Variants in PCDHGA7 observed in about 807,000 individuals in gnomAD.
PCDHGA7 encodes the protein protocadherin gamma subfamily A, 7, also known as protocadherin gamma-A7.
In PCDHGA7, 44 loss-of-function variants were observed where a neutral mutation model predicts 58.3. That is an observed-to-expected ratio of 0.75 (90% CI 0.59 to 0.97). PCDHGA7 has a LOEUF of 0.97. Among genes scored for constraint, PCDHGA7 ranks in the 50% least tolerant of loss-of-function variants. The pLI, the probability that PCDHGA7 is intolerant of heterozygous loss-of-function variation, is 0.00. For missense variants in PCDHGA7, 1,266 were observed against 1,188.7 expected, an observed-to-expected ratio of 1.06 and a Z score of -0.96; for synonymous variants, 516 against 504.2, an observed-to-expected ratio of 1.02 and a Z score of -0.31.
chr5:141,487,751 G>A lies in PCDHGA7; in HGVS notation c.2425-7056G>A. ...CACCATTTTTGTAAGAGGTAACTAT[G>A]TGGTAGACGCTGTGCTTTGTAACTG... On this transcript the variant is annotated intron_variant, in intron 1 of 3. Coordinates refer to ENST00000518325, the MANE Select transcript of PCDHGA7 (RefSeq NM_018920.4). This position sits in a 1 kb window ranked among gnomAD's most constrained non-coding sequence, Gnocchi z 5.0. 1 of 1,555,004 alleles carries A rather than the reference G, an allele frequency of 6.4e-7. No homozygotes were observed.
chr5:141,409,906 T>G (rs779572711), intron 1 of PCDHGA7: 2 of 1,613,096 alleles, frequency 1.2e-6, no homozygotes, highest in African/African-American at 2.7e-5. Flanking sequence ...CAGCTCTGGG[T>G]CCTGACGGCT....
intron 1 of PCDHGA7, chr5:141,404,714 G>T (rs776337117): frequency 6.2e-7 from 1 of 1,614,068 alleles, no homozygotes; most frequent in Non-Finnish European, 8.5e-7. Context: ...TGGCTACCTG[G>T]TGACCAAGGT....
chr5:141,385,150 C>A lies in PCDHGA7; in HGVS notation c.2251C>A (p.Gln751Lys), dbSNP rs1780929292. The A allele has an allele frequency of 6.2e-7, 1 of 1,614,104 alleles. No homozygotes were observed. The highest frequency in any genetic ancestry group is 1.1e-5 in the South Asian group (1 of 91,092). The stretch of plus-strand genomic sequence containing the variant: ...CATGGACGGGGTGCAGGCTTTCCTG[C>A]AGACCTATTCCCATGAGGTCTCCCT... Reference protein sequence around the residue: ...VGMDGVQAFLQTYSHEVSLTA... With the variant: ...VGMDGVQAFLKTYSHEVSLTA... Residue 751 changes from glutamine (Q) to lysine (K), a missense_variant, in exon 1 of 4, where the codon CAG (glutamine) becomes AAG (lysine). Coordinates refer to ENST00000518325, the MANE Select transcript of PCDHGA7 (RefSeq NM_018920.4).
chr5:141,387,924 CTGCCAG>C (rs145222727), intron 1 of PCDHGA7: 128,031 of 1,478,756 alleles, frequency 0.087, 6,358 homozygotes, highest in Non-Finnish European at 0.099. Context: ...GGCTGAGAGG[CTGCCAG>C]TGCTCTTTCT....
In PCDHGA7 at chr5:141,485,804, G is replaced by C; in HGVS notation, c.2425-9003G>C. 6.2e-7 allele frequency: 1 copy of C among 1,614,218 alleles called. No homozygotes were observed. The highest frequency in any genetic ancestry group is 1.3e-5 in the African/African-American group (1 of 75,060). The stretch of plus-strand genomic sequence containing the variant: ...AGAGAAGCAATCGGACTACCGCCTG[G>C]TGCTGACTGCTGTCGATGGAGGGAA... On this transcript the variant is annotated intron_variant, in intron 1 of 3. Coordinates refer to ENST00000518325, the MANE Select transcript of PCDHGA7 (RefSeq NM_018920.4). This position sits in a 1 kb window ranked among gnomAD's most constrained non-coding sequence, Gnocchi z 5.7.
chr5:141,486,644 T>G lies in PCDHGA7; in HGVS notation c.2425-8163T>G, dbSNP rs765487821. ...AGACTCTGGCTTGAATGCGCTTATC[T>G]CCTACTCACTCCTGGAGCCCAGGAA... On this transcript the variant is annotated intron_variant, in intron 1 of 3. Transcript: ENST00000518325. This position sits in a 1 kb window ranked among gnomAD's most constrained non-coding sequence, Gnocchi z 5.0. 9.3e-6 allele frequency: 15 copies of G among 1,613,722 alleles called. 2 individuals carry two copies. The Middle Eastern group carries it at 6.6e-4, about 71-fold the overall frequency.
At chr5:141,503,004 C>T (rs114294610) in intron 2 of PCDHGA7, among the ~76,000 whole-genome samples, 5,013 of 145,894 alleles carry the variant, frequency 0.034, 127 homozygotes, top group South Asian at 0.076. Context: ...CCACCATGCC[C>T]GGTTAATTTT....
intron 1 of PCDHGA7, chr5:141,388,466 G>A (rs1426666369): frequency 6.2e-7 from 1 of 1,613,812 alleles, no homozygotes. Flanking sequence ...ACCCTGAGAT[G>A]GTATTGAAGA....
At chr5:141,425,321 G>A (rs1020940689) in intron 1 of PCDHGA7, among the ~76,000 whole-genome samples, 2 of 152,182 alleles carry the variant, frequency 1.3e-5, no homozygotes, top group South Asian at 2.1e-4. Flanking sequence ...CAAGATCGTG[G>A]AGAACAAAAA....
chr5:141,487,475 C>T lies in PCDHGA7; in HGVS notation c.2425-7332C>T, dbSNP rs781308835. On this transcript the variant is annotated intron_variant, in intron 1 of 3. Coordinates refer to ENST00000518325, the MANE Select transcript of PCDHGA7 (RefSeq NM_018920.4). The surrounding 1 kb of genome is among the most constrained non-coding windows in gnomAD (Gnocchi z 5.0). ...TATCAAGTTTGTTGATGTGGGAGGC[C>T]ACTCTCATGGCTGTACACCCTTGGC... 1.2e-6 allele frequency: 2 copies of T among 1,614,156 alleles called. No homozygotes were observed. Among genetic ancestry groups the T allele is most frequent in the South Asian group, 1.1e-5 (1 of 91,080 alleles).
In PCDHGA7 at chr5:141,497,558, TA is replaced by T. The variant is rs543126612; in HGVS notation, c.2483+2694del. 6.7e-3 allele frequency among the ~76,000 whole-genome samples: 979 copies of T among 145,038 alleles called. 16 individuals carry two copies. Among genetic ancestry groups the T allele is most frequent in the African/African-American group, 0.024 (931 of 38,872 alleles). On this transcript the variant is annotated intron_variant, in intron 2 of 3. Coordinates refer to ENST00000518325, the MANE Select transcript of PCDHGA7 (RefSeq NM_018920.4). The stretch of plus-strand genomic sequence containing the variant: ...AACAAACCTTTTTTTTTTTTTTTTT[TA>T]GACAGAGTCTTGCTCTGTTGCCCAA...
chr5:141,414,139 G>A (rs1245110230), intron 1 of PCDHGA7: 6 of 1,596,386 alleles, frequency 3.8e-6, no homozygotes, highest in African/African-American at 1.3e-5. Context: ...CTATGAAATA[G>A]AAATACAAGC....
chr5:141,472,673 C>T (rs2099292538), intron 1 of PCDHGA7, among the ~76,000 whole-genome samples: 3 of 151,340 alleles, frequency 2.0e-5, no homozygotes, highest in Admixed American at 2.0e-4. Context: ...GTATACTGGT[C>T]CTTCCATTTC....
At position 141,477,862 on chromosome 5, in the gene PCDHGA7, A is replaced by AGGT. The variant is rs753168325; in HGVS notation, c.2425-16944_2425-16942dup. 2.1e-5 allele frequency: 34 copies of AGGT among 1,613,138 alleles called. No individual in the cohort carries two copies. Among genetic ancestry groups the AGGT allele is most frequent in the Non-Finnish European group, 2.5e-5 (29 of 1,179,720 alleles). ...GGAGCTCGGTGGAGATGCTGCCTCG[A>AGGT]GGTACCTCAGCTGGCCACCTAGTGT... is the stretch of plus-strand genomic sequence containing the variant. On this transcript the variant is annotated intron_variant, in intron 1 of 3. Transcript: ENST00000518325. The surrounding 1 kb of genome is among the most constrained non-coding windows in gnomAD (Gnocchi z 4.9).
At chr5:141,505,261 T>C in intron 2 of PCDHGA7, 132 bp from the exon 3 acceptor site, 1 of 1,505,282 alleles carries the variant, frequency 6.6e-7, no homozygotes. Context: ...GCCTCCTACC[T>C]TGCTGAGAGA....
intron 1 of PCDHGA7, chr5:141,410,836 ATT>A (rs371761731): frequency 1.6e-5 from 4 of 254,870 alleles, no homozygotes; most frequent in African/African-American, 1.4e-4. Flanking sequence ...GACTGAAGAT[ATT>A]TTGTCTTTGT....
intron 1 of PCDHGA7, among the ~76,000 whole-genome samples, chr5:141,406,328 C>T (rs1235799294): frequency 1.3e-5 from 2 of 152,062 alleles, no homozygotes; most frequent in Non-Finnish European, 2.9e-5. Context: ...ATTCTTACTC[C>T]TACGATCATT....
Position 141,476,836 on chromosome 5 carries a change from T to G in PCDHGA7, c.2425-17971T>G. 1 of 1,613,652 alleles carries G rather than the reference T, an allele frequency of 6.2e-7. No homozygotes were observed. The highest frequency in any genetic ancestry group is 8.5e-7 in the Non-Finnish European group (1 of 1,180,042). On this transcript the variant is annotated intron_variant, in intron 1 of 3. Coordinates refer to ENST00000518325, the MANE Select transcript of PCDHGA7 (RefSeq NM_018920.4). The surrounding 1 kb of genome is among the most constrained non-coding windows in gnomAD (Gnocchi z 7.6). ...TCAAGGTGCTGGACGCGAATGACAATGCGCCTGTCTTCAACCAGTCCTTGT... is the reference window on the plus strand; with the variant it reads ...TCAAGGTGCTGGACGCGAATGACAAGGCGCCTGTCTTCAACCAGTCCTTGT...
chr5:141,442,006 G>A (rs540427406), intron 1 of PCDHGA7: 77 of 229,074 alleles, frequency 3.4e-4, no homozygotes, highest in African/African-American at 1.6e-3. Context: ...CTGACAGCTC[G>A]CACGATGGGC....
Sources: allele counts gnomAD v4.1 joint callset (sites outside exome capture counted in the v4.1 genomes callset), GRCh38; gene constraint gnomAD v4.1.1; non-coding constraint Gnocchi (gnomAD v3.1); transcripts MANE v1.5; gene names NCBI Gene and HGNC (gene_info 2026-07-23, HGNC 2026-07-21).